Variants in PNKD observed in about 807,000 individuals in gnomAD.
The protein encoded by PNKD is probable thioesterase PNKD.
In PNKD, 36 loss-of-function variants were observed where a neutral mutation model predicts 45.3. The observed-to-expected ratio is 0.80, with a 90% CI of 0.61 to 1.05. The LOEUF is 1.05. Among genes scored for constraint, PNKD ranks in the 50% least tolerant of loss-of-function variants. PNKD has a pLI of 0.00. For missense variants in PNKD, 511 were observed against 506.6 expected (o/e 1.01, Z -0.08); for synonymous variants, 197 against 210.1 (o/e 0.94, Z 0.54).
chr2:218,308,874 C>T (rs186526443), intron 2 of PNKD, among the ~76,000 whole-genome samples: 5 of 152,158 alleles, frequency 3.3e-5, no homozygotes, highest in South Asian at 2.1e-4. Context: ...AGTGAGCCAC[C>T]GTGCCCAGCC....
chr2:218,281,220 A>T, intron 2 of PNKD, among the ~76,000 whole-genome samples: 1 of 127,588 alleles, frequency 7.8e-6, no homozygotes. Flanking sequence ...TGCAACCTCC[A>T]CCTCCTGGGA....
intron 2 of PNKD, among the ~76,000 whole-genome samples, chr2:218,288,707 G>C (rs1359123338): frequency 6.6e-6 from 1 of 152,118 alleles, no homozygotes; most frequent in African/African-American, 2.4e-5. Flanking sequence ...AAATCCATGT[G>C]CTTCTGCCAC....
intron 2 of PNKD, chr2:218,275,755 T>C: frequency 8.9e-7 from 1 of 1,125,194 alleles, no homozygotes; most frequent in South Asian, 1.6e-5. Flanking sequence ...GCATAACATA[T>C]GGGCTCTATA....
chr2:218,341,416 T>G, intron 5 of PNKD, 118 bp from the exon 6 acceptor site: 2 of 650,728 alleles, frequency 3.1e-6, no homozygotes, highest in South Asian at 3.8e-5. Flanking sequence ...GTGGACAACT[T>G]GGCTTAGTCC....
intron 2 of PNKD, chr2:218,276,025 C>G (rs1162687748): frequency 1.2e-6 from 2 of 1,611,690 alleles, no homozygotes; most frequent in Non-Finnish European, 1.7e-6. Context: ...CTGGGACTTA[C>G]CAGGGTGAAA....
At chr2:218,288,054 A>G (rs1403301887) in intron 2 of PNKD, among the ~76,000 whole-genome samples, 1 of 152,212 alleles carries the variant, frequency 6.6e-6, no homozygotes, top group African/African-American at 2.4e-5. Context: ...TCTTTGTTTC[A>G]TCTCCTGTCT....
intron 2 of PNKD, among the ~76,000 whole-genome samples, chr2:218,303,895 C>T (rs568641288): frequency 3.0e-4 from 46 of 151,898 alleles, no homozygotes; most frequent in African/African-American, 1.1e-3. Flanking sequence ...TCTTTGGTTT[C>T]ATTTGGCTGG....
At chr2:218,314,932 CA>C (rs34001204) in intron 2 of PNKD, among the ~76,000 whole-genome samples, 68,250 of 151,848 alleles carry the variant, frequency 0.45, 17,929 homozygotes, top group South Asian at 0.63. Context: ...TCAAGTGATC[CA>C]CCTGCTTCAG....
chr2:218,299,578 G>A (rs1023011701), intron 2 of PNKD, among the ~76,000 whole-genome samples: 1 of 151,894 alleles, frequency 6.6e-6, no homozygotes, highest in Admixed American at 6.6e-5. Context: ...CCAAGTAGCT[G>A]GGACCACAGG....
intron 8 of PNKD, 22 bp downstream of exon 8, chr2:218,343,608 C>G (rs1405172877): frequency 1.3e-6 from 2 of 1,566,716 alleles, no homozygotes; most frequent in Non-Finnish European, 1.7e-6. Context: ...CCTTACTACT[C>G]CCCATCCTCC....
chr2:218,281,285 G>A (rs370447991), intron 2 of PNKD, among the ~76,000 whole-genome samples: 23 of 151,852 alleles, frequency 1.5e-4, no homozygotes, highest in African/African-American at 4.8e-4. Context: ...ACAGGTGCAC[G>A]CCACCACACC....
At chr2:218,295,669 G>T (rs1343726654) in intron 2 of PNKD, among the ~76,000 whole-genome samples, 2 of 151,980 alleles carry the variant, frequency 1.3e-5, no homozygotes, top group African/African-American at 4.8e-5. Context: ...GGCCAAGGAG[G>T]CAGGGGGCCA....
intron 2 of PNKD, among the ~76,000 whole-genome samples, chr2:218,328,887 C>T (rs960094557): frequency 7.5e-6 from 1 of 132,762 alleles, no homozygotes; most frequent in African/African-American, 2.8e-5. Context: ...GTTCACGGAC[C>T]GGCCTTCCTG....
chr2:218,323,966 C>G (rs1469595421), intron 2 of PNKD, among the ~76,000 whole-genome samples: 2 of 152,228 alleles, frequency 1.3e-5, no homozygotes, highest in Non-Finnish European at 2.9e-5. Context: ...GAGTCCCAAC[C>G]CTGTTGGATT....
intron 2 of PNKD, among the ~76,000 whole-genome samples, chr2:218,294,880 G>C (rs1477168224): frequency 1.3e-5 from 2 of 152,188 alleles, no homozygotes; most frequent in Non-Finnish European, 2.9e-5. Flanking sequence ...TAACATTGAG[G>C]ATTAAGTTTC....
chr2:218,330,647 C>G (rs1282859700), intron 2 of PNKD, among the ~76,000 whole-genome samples: 1 of 152,232 alleles, frequency 6.6e-6, no homozygotes, highest in African/African-American at 2.4e-5. Context: ...CCCAGAGGAC[C>G]AATTGGGAAA....
At chr2:218,275,950 T>G in intron 2 of PNKD, 5 of 1,524,032 alleles carry the variant, frequency 3.3e-6, no homozygotes, top group Non-Finnish European at 4.5e-6. Flanking sequence ...CCAGGCAGTC[T>G]AAATTCATGC....
chr2:218,328,189 A>G (rs1480384293), intron 2 of PNKD, among the ~76,000 whole-genome samples: 1 of 152,018 alleles, frequency 6.6e-6, no homozygotes, highest in East Asian at 1.9e-4. Context: ...CTTCAGTCCT[A>G]GCTGAGAGGT....
At chr2:218,343,476 A>T (rs750155490) in intron 7 of PNKD, 24 bp from the exon 8 acceptor site, 1 of 1,588,340 alleles carries the variant, frequency 6.3e-7, no homozygotes, top group Non-Finnish European at 8.6e-7. Context: ...GCACCTTGTG[A>T]CATACCCTCC....
Sources: allele counts gnomAD v4.1 joint callset (sites outside exome capture counted in the v4.1 genomes callset), GRCh38; gene constraint gnomAD v4.1.1; transcripts MANE v1.5; gene names NCBI Gene and HGNC (gene_info 2026-07-23, HGNC 2026-07-21).